FHIT: variants seen among roughly 807,000 people sequenced by gnomAD.
FHIT encodes the protein bis(5'-adenosyl)-triphosphatase.
FHIT carries 19 observed loss-of-function variants against 17.9 expected under a neutral mutation model. The ratio of observed to expected loss-of-function variants is 1.06; its 90% CI spans 0.74 to 1.56. The LOEUF is 1.56. Among genes scored for constraint, FHIT ranks in the 40% most tolerant of loss-of-function variants. The probability of loss-of-function intolerance (pLI) is 0.00; values close to 1 mark genes in which losing one functional copy is unlikely to be tolerated. For missense variants in FHIT, 248 were observed against 189.2 expected, an observed-to-expected ratio of 1.31 and a Z score of -1.82; for synonymous variants, 81 against 69.7, an observed-to-expected ratio of 1.16 and a Z score of -0.81.
At chr3:61,247,654 C>T (rs181576018) in intron 1 of FHIT, among the ~76,000 whole-genome samples, 1 of 152,272 alleles carries the variant, frequency 6.6e-6, no homozygotes, top group Non-Finnish European at 1.5e-5. Context: ...AATGTGATGA[C>T]CAAGTGTGCT....
chr3:60,663,647 G>T (rs1474865410), intron 4 of FHIT, among the ~76,000 whole-genome samples: 1 of 152,014 alleles, frequency 6.6e-6, no homozygotes, highest in East Asian at 1.9e-4. Context: ...ATGTTGGCCA[G>T]GCTGGTCTCA....
At chr3:61,059,936 G>A (rs1442948257) in intron 2 of FHIT, among the ~76,000 whole-genome samples, 1 of 152,134 alleles carries the variant, frequency 6.6e-6, no homozygotes, top group African/African-American at 2.4e-5. Context: ...TCCCAAAGAT[G>A]AGCATGGTAG....
chr3:60,930,149 AC>A (rs1391876217), intron 3 of FHIT, among the ~76,000 whole-genome samples: 2 of 151,834 alleles, frequency 1.3e-5, no homozygotes, highest in African/African-American at 2.4e-5. Context: ...TGCTGGGGAA[AC>A]CTGGCTAGCC....
At position 59,804,965 on chromosome 3, in the gene FHIT, G is replaced by A. The variant is rs199682118; in HGVS notation, c.349-52644C>T. Among the ~76,000 whole-genome samples, 3 of 152,284 alleles carry A rather than the reference G, an allele frequency of 2.0e-5. No individual in the cohort carries two copies. In the East Asian group the frequency reaches 5.8e-4, roughly 29 times the overall value. ...GTACCTGTACTTACTTGGTATTGGA[G>A]TGCTCTAATCTTAGAGTCTAGTGTA... is the stretch of plus-strand genomic sequence containing the variant. On this transcript the variant is annotated intron_variant, in intron 8 of 9. Transcript: ENST00000492590.
chr3:60,944,822 T>A (rs1553775362), intron 3 of FHIT, among the ~76,000 whole-genome samples: 1 of 151,958 alleles, frequency 6.6e-6, no homozygotes, highest in Non-Finnish European at 1.5e-5. Flanking sequence ...AAATTAAGAG[T>A]CTTTGCCATA....
chr3:61,015,720 C>T (rs2032072279), intron 3 of FHIT, among the ~76,000 whole-genome samples: 1 of 152,148 alleles, frequency 6.6e-6, no homozygotes, highest in South Asian at 2.1e-4. Context: ...CTCTCTTTCC[C>T]TTCCTTTCTA....
intron 3 of FHIT, among the ~76,000 whole-genome samples, chr3:60,854,155 T>A (rs374975319): frequency 6.6e-6 from 1 of 152,234 alleles, no homozygotes. Context: ...CCCACAAGCA[T>A]ATGGTAACAC....
chr3:61,055,623 T>C (rs2034190552), intron 2 of FHIT, among the ~76,000 whole-genome samples: 2 of 152,186 alleles, frequency 1.3e-5, no homozygotes, highest in African/African-American at 4.8e-5. Context: ...ACCACATTTC[T>C]GCATTCATGC....
intron 4 of FHIT, among the ~76,000 whole-genome samples, chr3:60,555,822 C>T (rs1333804808): frequency 1.3e-5 from 2 of 152,200 alleles, no homozygotes; most frequent in East Asian, 1.9e-4. Context: ...AATTCCATCA[C>T]GTGGTTCCAT....
At chr3:60,086,545 G>A (rs961899943) in intron 5 of FHIT, among the ~76,000 whole-genome samples, 1 of 152,120 alleles carries the variant, frequency 6.6e-6, no homozygotes, top group African/African-American at 2.4e-5. Context: ...AAAATAAGAT[G>A]TTTGTTTTCA....
At chr3:60,750,486 T>C (rs1349362859) in intron 4 of FHIT, among the ~76,000 whole-genome samples, 1 of 152,186 alleles carries the variant, frequency 6.6e-6, no homozygotes, top group Non-Finnish European at 1.5e-5. Flanking sequence ...TTTCCTGCAC[T>C]GTTCACATGA....
chr3:60,153,867 A>C (rs1254276856), intron 5 of FHIT, among the ~76,000 whole-genome samples: 1 of 152,122 alleles, frequency 6.6e-6, no homozygotes, highest in Non-Finnish European at 1.5e-5. Flanking sequence ...CTACACATTC[A>C]CATTGTGCTA....
chr3:60,323,846 C>T (rs1448265644), intron 5 of FHIT, among the ~76,000 whole-genome samples: 2 of 152,166 alleles, frequency 1.3e-5, no homozygotes, highest in African/African-American at 4.8e-5. Flanking sequence ...GGCTCTGAGC[C>T]TGGGGCCTGC....
intron 8 of FHIT, among the ~76,000 whole-genome samples, chr3:59,832,583 C>T (rs1432276820): frequency 6.6e-6 from 1 of 152,102 alleles, no homozygotes; most frequent in Non-Finnish European, 1.5e-5. Flanking sequence ...ATAGCATGGC[C>T]CCGATGAGGG....
chr3:60,394,304 C>T (rs1162742214), intron 5 of FHIT, among the ~76,000 whole-genome samples: 1 of 152,142 alleles, frequency 6.6e-6, no homozygotes, highest in Non-Finnish European at 1.5e-5. Flanking sequence ...CAGATCAACC[C>T]ACTCTCTATG....
At chr3:60,255,008 A>AT (rs1202608665) in intron 5 of FHIT, among the ~76,000 whole-genome samples, 2 of 152,176 alleles carry the variant, frequency 1.3e-5, no homozygotes, top group African/African-American at 2.4e-5. Context: ...AATGAAACAG[A>AT]TTTTTTTTGT....
At chr3:61,094,667 T>G (rs2035585267) in intron 2 of FHIT, among the ~76,000 whole-genome samples, 1 of 152,174 alleles carries the variant, frequency 6.6e-6, no homozygotes, top group Non-Finnish European at 1.5e-5. Flanking sequence ...ATTATAACAC[T>G]ATGCCAGCAT....
chr3:59,954,861 C>T (rs1707314801), intron 7 of FHIT, among the ~76,000 whole-genome samples: 1 of 152,116 alleles, frequency 6.6e-6, no homozygotes, highest in Non-Finnish European at 1.5e-5. Context: ...ATGCTAGGGC[C>T]AGAAATGAGA....
chr3:60,324,796 C>T (rs1454823708), intron 5 of FHIT, among the ~76,000 whole-genome samples: 2 of 152,088 alleles, frequency 1.3e-5, no homozygotes, highest in African/African-American at 4.8e-5. Flanking sequence ...TAACCCTCTT[C>T]TCATATTACT....
Sources: allele counts gnomAD v4.1 joint callset (sites outside exome capture counted in the v4.1 genomes callset), GRCh38; gene constraint gnomAD v4.1.1; transcripts MANE v1.5; gene names NCBI Gene and HGNC (gene_info 2026-07-23, HGNC 2026-07-21).